Variants in PLBD1 observed in about 807,000 individuals in gnomAD.
The protein encoded by PLBD1 is lysosomal leucine aminopeptidase.
In PLBD1, 60 loss-of-function variants were observed where a neutral mutation model predicts 63.0. That is an observed-to-expected ratio of 0.95 (90% confidence interval 0.77 to 1.18). The LOEUF (loss-of-function observed/expected upper bound fraction) is 1.18. Among genes scored for constraint, PLBD1 ranks in the 50% most tolerant of loss-of-function variants. The pLI is 0.00. For synonymous variants in PLBD1, 262 were observed against 248.0 expected (o/e 1.06, Z -0.53); for missense variants, 598 against 677.9 (o/e 0.88, Z 1.31).
intron 2 of PLBD1, among the ~76,000 whole-genome samples, chr12:14,547,775 A>G (rs1945626310): frequency 6.6e-6 from 1 of 151,936 alleles, no homozygotes; most frequent in Non-Finnish European, 1.5e-5. Context: ...ACTACCTCCT[A>G]CGCTCTCCTG....
intron 1 of PLBD1, among the ~76,000 whole-genome samples, chr12:14,566,879 C>T (rs1391871133): frequency 6.6e-6 from 1 of 151,724 alleles, no homozygotes; most frequent in Non-Finnish European, 1.5e-5. Flanking sequence ...GCGGATCGCC[C>T]GAGTCAGGCG....
chr12:14,522,091 C>T (rs1945381162), intron 6 of PLBD1, among the ~76,000 whole-genome samples: 1 of 151,976 alleles, frequency 6.6e-6, no homozygotes, highest in Non-Finnish European at 1.5e-5. Flanking sequence ...TGAAGAAAGC[C>T]TACAAGACCT....
chr12:14,519,654 G>C (rs1015691455), intron 6 of PLBD1, among the ~76,000 whole-genome samples: 2 of 151,606 alleles, frequency 1.3e-5, no homozygotes, highest in African/African-American at 4.9e-5. Flanking sequence ...AGTGATGCCA[G>C]GTATAGCCCA....
At chr12:14,539,403 A>G (rs896331587) in intron 4 of PLBD1, among the ~76,000 whole-genome samples, 1 of 151,734 alleles carries the variant, frequency 6.6e-6, no homozygotes, top group Non-Finnish European at 1.5e-5. Flanking sequence ...TCTATTATTT[A>G]TCATCTATAT....
At chr12:14,560,433 A>G (rs144742353) in intron 1 of PLBD1, among the ~76,000 whole-genome samples, 3 of 152,172 alleles carry the variant, frequency 2.0e-5, no homozygotes, top group African/African-American at 7.2e-5. Context: ...GAGAAAATAG[A>G]AAAAAATTAA....
intron 2 of PLBD1, among the ~76,000 whole-genome samples, chr12:14,547,290 T>TG (rs1195218303): frequency 6.6e-6 from 1 of 151,030 alleles, no homozygotes; most frequent in Non-Finnish European, 1.5e-5. Flanking sequence ...AGATGAGAAG[T>TG]GGGGGCCTCA....
chr12:14,506,170 C>T lies in PLBD1; in HGVS notation c.1471G>A (p.Asp491Asn). The T allele has an allele frequency of 6.2e-7, 1 of 1,604,986 alleles. No individual in the cohort carries two copies. Among genetic ancestry groups the T allele is most frequent in the South Asian group, 1.1e-5 (1 of 90,282 alleles). Residue 491 changes from aspartate to asparagine, a missense_variant, in exon 10 of 11, where the codon GAC (aspartate) becomes AAC (asparagine). By Grantham distance (23) the Asp-to-Asn change is conservative. Transcript: ENST00000240617. The part of the protein sequence containing the change: ...SPNPSPGGCY[D>N]TKVADIYLAS... The stretch of plus-strand genomic sequence containing the variant: ...AGCCAATAGCATGTTACCTTTGTGT[C>T]ATAACAACCTCCAGGACTTGGGTTA...
intron 2 of PLBD1, among the ~76,000 whole-genome samples, chr12:14,546,029 G>A (rs964365588): frequency 2.0e-5 from 3 of 152,102 alleles, no homozygotes; most frequent in African/African-American, 7.2e-5. Flanking sequence ...CTCTTAAAAT[G>A]AGTTACATGA....
rs553607011 is a variant in PLBD1 at position 14,520,714 on chromosome 12, T to C, written c.845-9003A>G. Among the ~76,000 whole-genome samples, 10 of 152,318 alleles carry C rather than the reference T, an allele frequency of 6.6e-5. No homozygotes were observed. The South Asian group carries it at 1.0e-3, about 16-fold the overall frequency. On this transcript the variant is annotated intron_variant, in intron 6 of 10. Coordinates refer to ENST00000240617, the MANE Select transcript of PLBD1 (RefSeq NM_024829.6). ...GAATGAAACATTCTGCCTTTGCCAC[T>C]TCGTCTTCCCAGTCAAGGTCGGTAT...
intron 10 of PLBD1, among the ~76,000 whole-genome samples, chr12:14,505,552 C>A (rs1295185925): frequency 6.6e-6 from 1 of 152,200 alleles, no homozygotes; most frequent in African/African-American, 2.4e-5. Context: ...GCCATCAACA[C>A]GTCAACTAAC....
chr12:14,537,351 T>C (rs141563863), intron 4 of PLBD1, among the ~76,000 whole-genome samples: 29 of 152,250 alleles, frequency 1.9e-4, no homozygotes, highest in African/African-American at 6.3e-4. Context: ...TTTTCAGTTG[T>C]TGTGCGTTGT....
At chr12:14,536,756 A>T (rs368602172) in intron 4 of PLBD1, 46 bp from the exon 5 acceptor site, 1 of 1,601,698 alleles carries the variant, frequency 6.2e-7, no homozygotes, top group Non-Finnish European at 8.5e-7. Flanking sequence ...TGTGACAGAC[A>T]TCATTTCCTG....
chr12:14,519,340 G>A (rs915460140), intron 6 of PLBD1, among the ~76,000 whole-genome samples: 1 of 152,166 alleles, frequency 6.6e-6, no homozygotes, highest in African/African-American at 2.4e-5. Flanking sequence ...GAGGAAGTGA[G>A]CCGGGCGTGG....
chr12:14,503,966 G>GA lies in PLBD1; in HGVS notation c.1480-13dup. On this transcript the variant is annotated splice_polypyrimidine_tract_variant and intron_variant, in intron 10 of 10. Transcript: ENST00000240617. The stretch of plus-strand genomic sequence containing the variant: ...TAGATATCTGCCACCTGGAAAGAGG[G>GA]AGGAGGAGGACATTTTAGAAAATCA... The GA allele has an allele frequency of 6.3e-7, 1 of 1,577,960 alleles. No homozygotes were observed. The highest frequency in any genetic ancestry group is 1.1e-5 in the South Asian group (1 of 88,200).
intron 1 of PLBD1, among the ~76,000 whole-genome samples, chr12:14,558,228 T>C (rs1237512964): frequency 6.6e-6 from 1 of 152,144 alleles, no homozygotes; most frequent in Non-Finnish European, 1.5e-5. Context: ...GTCAATTGAC[T>C]TCTGAGTACA....
rs12578716 is a variant in PLBD1 at position 14,544,667 on chromosome 12, C to A, written c.336-2376G>T. Reference sequence around the variant, plus strand: ...CTTTGGGCTGTTTATGGTATAAATCCCTCAATACTAATATCTGATTCAGAA... The same window carrying A: ...CTTTGGGCTGTTTATGGTATAAATCACTCAATACTAATATCTGATTCAGAA... On this transcript the variant is annotated intron_variant, in intron 2 of 10. Transcript: ENST00000240617. Among the ~76,000 whole-genome samples, 58 of 151,982 alleles carry A rather than the reference C, an allele frequency of 3.8e-4. No individual in the cohort carries two copies. In the East Asian group the frequency reaches 0.011, roughly 29 times the overall value.
At chr12:14,503,991 A>G (rs1296583991) in intron 10 of PLBD1, 37 bp from the exon 11 acceptor site, 1 of 1,553,582 alleles carries the variant, frequency 6.4e-7, no homozygotes, top group African/African-American at 1.4e-5. Flanking sequence ...TTAGAAAATC[A>G]TCGTTCAGCA....
intron 6 of PLBD1, among the ~76,000 whole-genome samples, chr12:14,516,772 C>T (rs1020123135): frequency 4.6e-5 from 7 of 152,118 alleles, no homozygotes; most frequent in African/African-American, 1.7e-4. Context: ...GGCAAGGTGG[C>T]TTATGCCTGT....
intron 8 of PLBD1, among the ~76,000 whole-genome samples, chr12:14,509,408 C>G (rs1387242066): frequency 1.3e-5 from 2 of 152,168 alleles, no homozygotes; most frequent in African/African-American, 2.4e-5. Flanking sequence ...TTTTCAGGCT[C>G]TTAGGAGCTG....
Sources: gnomAD v4.1 joint callset for allele counts (sites outside exome capture counted in the v4.1 genomes callset) on GRCh38, gnomAD v4.1.1 for gene constraint, MANE v1.5 for transcripts, NCBI Gene and HGNC (gene_info 2026-07-23, HGNC 2026-07-21) for gene names.